The following CABIN1 variants were observed in gnomAD, a reference collection of about 807,000 sequenced individuals.
The protein encoded by CABIN1 is calcineurin-binding protein cabin-1.
CABIN1 carries 133 observed loss-of-function variants against 227.7 expected under a neutral mutation model. The observed-to-expected ratio is 0.58, with a 90% CI of 0.51 to 0.67. The LOEUF (loss-of-function observed/expected upper bound fraction) is 0.67. CABIN1 is among the 30% of genes least tolerant of loss of function. The pLI is 0.00. For synonymous variants in CABIN1, 1,086 were observed against 1,155.1 expected, an observed-to-expected ratio of 0.94 and a Z score of 1.21; for missense variants, 2,408 against 2,852.5, an observed-to-expected ratio of 0.84 and a Z score of 3.55.
intron 10 of CABIN1, among the ~76,000 whole-genome samples, chr22:24,058,570 C>A (rs368903829): frequency 1.3e-5 from 2 of 152,164 alleles, no homozygotes; most frequent in Admixed American, 6.5e-5. Context: ...TGAGGAGCCA[C>A]GGAAGGACCA....
chr22:24,087,445 A>G lies in CABIN1; in HGVS notation c.3264-7A>G. On this transcript the variant is annotated splice_region_variant and splice_polypyrimidine_tract_variant and intron_variant, in intron 22 of 36. Coordinates refer to ENST00000263119, the MANE Select transcript of CABIN1 (RefSeq NM_012295.4). ...GTTTTTAGCTGGTGCTTTTGTTACC[A>G]CCACAGGTTTGATTCCTGGGCAGGC... 1.2e-6 allele frequency: 2 copies of G among 1,613,542 alleles called. No homozygotes were observed. Among genetic ancestry groups the G allele is most frequent in the Non-Finnish European group, 1.7e-6 (2 of 1,180,006 alleles).
At chr22:24,032,504 A>T (rs934242197) in intron 1 of CABIN1, among the ~76,000 whole-genome samples, 1 of 152,184 alleles carries the variant, frequency 6.6e-6, no homozygotes, top group African/African-American at 2.4e-5. Context: ...ATATAGCCAG[A>T]TGTGGAATTT....
chr22:24,078,201 C>T (rs2040567287), intron 19 of CABIN1, among the ~76,000 whole-genome samples: 1 of 152,116 alleles, frequency 6.6e-6, no homozygotes, highest in Non-Finnish European at 1.5e-5. Context: ...TGTGCCCCTC[C>T]CCCACCAGCT....
At chr22:24,152,940 G>GA (rs587594436) in intron 29 of CABIN1, among the ~76,000 whole-genome samples, 149,609 of 149,704 alleles carry the variant, frequency 1, 74,757 homozygotes, top group Middle Eastern at 1. Flanking sequence ...ACAGAGCAGA[G>GA]AAAAAAAAAG....
chr22:24,109,065 T>C (rs1569227869), intron 26 of CABIN1, among the ~76,000 whole-genome samples: 1 of 152,220 alleles, frequency 6.6e-6, no homozygotes, highest in African/African-American at 2.4e-5. Context: ...GCTTATGTTA[T>C]CACAGTTTTA....
At chr22:24,170,746 C>G (rs2046752636) in intron 33 of CABIN1, among the ~76,000 whole-genome samples, 1 of 141,310 alleles carries the variant, frequency 7.1e-6, no homozygotes, top group African/African-American at 2.8e-5. Context: ...TCGGTGGTAG[C>G]AAACTGCCCC....
At chr22:24,175,714 T>G (rs773214027) in intron 34 of CABIN1, 25 of 321,048 alleles carry the variant, frequency 7.8e-5, no homozygotes, top group Non-Finnish European at 1.3e-4. Context: ...TTGTTTGGAT[T>G]TTGGTCCTGA....
chr22:24,169,073 G>C (rs373970790), intron 33 of CABIN1, among the ~76,000 whole-genome samples: 28 of 151,886 alleles, frequency 1.8e-4, no homozygotes, highest in East Asian at 5.8e-4. Flanking sequence ...GGCTGGGGAG[G>C]GGGGGGCGGG....
intron 25 of CABIN1, 80 bp downstream of exon 25, chr22:24,096,162 T>C: frequency 1.3e-6 from 2 of 1,506,324 alleles, no homozygotes; most frequent in Non-Finnish European, 1.8e-6. Flanking sequence ...AATGTGTTGT[T>C]CAGAGGGTTG....
At chr22:24,130,735 A>G (rs2044023723) in intron 28 of CABIN1, among the ~76,000 whole-genome samples, 1 of 152,150 alleles carries the variant, frequency 6.6e-6, no homozygotes, top group African/African-American at 2.4e-5. Context: ...GGCCTCAGGC[A>G]TGAATCAGCT....
chr22:24,165,707 C>T lies in CABIN1; in HGVS notation c.5007+81C>T. 9.8e-6 allele frequency: 11 copies of T among 1,123,664 alleles called. No individual in the cohort carries two copies. In the South Asian group the frequency reaches 1.4e-4, roughly 15 times the overall value. 69.6% of individuals were successfully genotyped at this position (1,123,664 alleles called of 1,614,324 possible). ...TTCCCAGGTGGTGGGCCCGATCCCT[C>T]TATTTGCATACCCTTAGGCAGGATG... On this transcript the variant is annotated intron_variant, in intron 31 of 36. Coordinates refer to ENST00000263119, the MANE Select transcript of CABIN1 (RefSeq NM_012295.4).
intron 29 of CABIN1, among the ~76,000 whole-genome samples, chr22:24,163,179 C>T (rs994912131): frequency 2.6e-5 from 4 of 152,160 alleles, no homozygotes; most frequent in Non-Finnish European, 5.9e-5. Context: ...TCCACATAGT[C>T]CCCCAGCCTG....
intron 1 of CABIN1, among the ~76,000 whole-genome samples, chr22:24,019,120 GTTTTTTTTTTTTTTTTTTTT>G (rs945660140): frequency 2.5e-5 from 1 of 40,176 alleles, no homozygotes. Context: ...ACTGAGTGTT[GTTTTTTTTTTTTTTTTTTTT>G]TTTTTTTTGA....
chr22:24,086,454 G>A (rs2041171630), intron 22 of CABIN1, among the ~76,000 whole-genome samples: 1 of 152,228 alleles, frequency 6.6e-6, no homozygotes, highest in Non-Finnish European at 1.5e-5. Flanking sequence ...CCACAGAGGC[G>A]TGGTCTCCCG....
At chr22:24,105,495 C>G (rs1289538995) in intron 26 of CABIN1, among the ~76,000 whole-genome samples, 1 of 152,186 alleles carries the variant, frequency 6.6e-6, no homozygotes, top group Non-Finnish European at 1.5e-5. Context: ...CAACCTATAG[C>G]CTGCTTGCTA....
rs574657006 is a variant in CABIN1 at position 24,034,518 on chromosome 22, T to C, written c.-74-926T>C. Among the ~76,000 whole-genome samples the C allele has an allele frequency of 7.2e-5, 11 of 152,356 alleles. No homozygotes were observed. The East Asian group carries it at 1.3e-3, about 19-fold the overall frequency. On this transcript the variant is annotated intron_variant, in intron 1 of 36. Transcript: ENST00000263119. ...TTATCCATTCATCAGTTGGTGGACA[T>C]TTAGGTTATTTCCACCTTTTAGCTT...
chr22:24,054,795 AG>A, intron 8 of CABIN1, 77 bp from the exon 9 acceptor site: 1 of 1,588,430 alleles, frequency 6.3e-7, no homozygotes, highest in Non-Finnish European at 8.6e-7. Flanking sequence ...GCCTCTGTGC[AG>A]GCAGGCCATT....
chr22:24,138,016 C>T (rs116633581), intron 29 of CABIN1, among the ~76,000 whole-genome samples: 1,943 of 152,286 alleles, frequency 0.013, 35 homozygotes, highest in African/African-American at 0.045. Context: ...AGACTGGGGA[C>T]ATCAGCACCC....
At chr22:24,039,111 T>C (rs1382006299) in intron 4 of CABIN1, among the ~76,000 whole-genome samples, 3 of 152,082 alleles carry the variant, frequency 2.0e-5, no homozygotes, top group Non-Finnish European at 4.4e-5. Flanking sequence ...CAACCTGAAA[T>C]TGATTTAGGA....
Sources: allele counts gnomAD v4.1 joint callset (sites outside exome capture counted in the v4.1 genomes callset), GRCh38; gene constraint gnomAD v4.1.1; transcripts MANE v1.5; gene names NCBI Gene and HGNC (gene_info 2026-07-23, HGNC 2026-07-21).